FBXO15: variants seen among roughly 807,000 people sequenced by gnomAD.
The protein encoded by FBXO15 is F-box only protein 15.
A neutral mutation model predicts 49.5 loss-of-function variants in FBXO15; 30 were observed. The ratio of observed to expected loss-of-function variants is 0.61; its 90% CI spans 0.45 to 0.82. The LOEUF (loss-of-function observed/expected upper bound fraction) is 0.82, where lower values mean the gene tolerates loss of function less well. Among genes scored for constraint, FBXO15 ranks in the 40% least tolerant of loss-of-function variants. The probability of loss-of-function intolerance (pLI) is 0.00; values close to 1 mark genes in which losing one functional copy is unlikely to be tolerated. For synonymous variants in FBXO15, 250 were observed against 232.7 expected (o/e 1.07, Z -0.68); for missense variants, 591 against 631.5 (o/e 0.94, Z 0.69).
At chr18:74,093,527 G>C (rs967226927) in intron 8 of FBXO15, among the ~76,000 whole-genome samples, 1 of 152,188 alleles carries the variant, frequency 6.6e-6, no homozygotes, top group Non-Finnish European at 1.5e-5. Flanking sequence ...AGGTGAGTCT[G>C]GCCTCATTTC....
chr18:74,131,241 C>T (rs1011780775), intron 3 of FBXO15, among the ~76,000 whole-genome samples: 2 of 152,204 alleles, frequency 1.3e-5, no homozygotes, highest in African/African-American at 2.4e-5. Flanking sequence ...TGTCAAGCAT[C>T]GTTTAACCAC....
At position 74,123,493 on chromosome 18, in the gene FBXO15, G is replaced by A; in HGVS notation, c.1013C>T (p.Pro338Leu). The change falls in exon 8 of 10, where the codon CCA (proline) becomes CTA (leucine). Residue 338 changes from proline to leucine, a missense_variant. Pro to Leu is a moderately conservative substitution (Grantham distance 98). Coordinates refer to ENST00000419743, the MANE Select transcript of FBXO15 (RefSeq NM_001142958.2). ...GSATIPYELP[P>L]HSPFLDDSPE... is the part of the protein sequence containing the mutation. ...GCTATCATCCAAAAAGGGGCTATGTGGAGGCAGTTCATAGGGGCTGAAAAG... is the reference window on the plus strand; with the variant it reads ...GCTATCATCCAAAAAGGGGCTATGTAGAGGCAGTTCATAGGGGCTGAAAAG... 1 of 1,611,400 alleles carries A rather than the reference G, an allele frequency of 6.2e-7. No individual in the cohort carries two copies. The highest frequency in any genetic ancestry group is 8.5e-7 in the Non-Finnish European group (1 of 1,179,238).
chr18:74,140,457 G>C (rs1167775525), intron 1 of FBXO15, 145 bp from the exon 2 acceptor site: 2 of 725,396 alleles, frequency 2.8e-6, no homozygotes, highest in Non-Finnish European at 4.2e-6. Context: ...AAAAGGAAGG[G>C]AAGAAGAAAA....
intron 8 of FBXO15, among the ~76,000 whole-genome samples, chr18:74,083,629 T>C (rs1046774711): frequency 5.3e-5 from 8 of 152,214 alleles, no homozygotes; most frequent in African/African-American, 1.7e-4. Context: ...CCTGAGCTAA[T>C]AAACCTCAAA....
At chr18:74,138,610 C>T (rs1393763906) in intron 2 of FBXO15, among the ~76,000 whole-genome samples, 1 of 152,106 alleles carries the variant, frequency 6.6e-6, no homozygotes, top group Non-Finnish European at 1.5e-5. Flanking sequence ...GCTGACCCCA[C>T]CAGGCCTCAT....
intron 9 of FBXO15, 88 bp downstream of exon 9, chr18:74,081,839 T>C (rs1183692550): frequency 7.6e-6 from 7 of 921,324 alleles, no homozygotes; most frequent in Non-Finnish European, 1.1e-5. Context: ...ATCATACATA[T>C]ATGACAATAT....
intron 1 of FBXO15, chr18:74,147,439 C>A: frequency 8.6e-7 from 1 of 1,159,722 alleles, no homozygotes; most frequent in Non-Finnish European, 1.1e-6. Flanking sequence ...ACAGGCGCCG[C>A]AAGAAAAAAT....
chr18:74,105,614 T>A (rs1033947985), intron 8 of FBXO15, among the ~76,000 whole-genome samples: 2 of 151,684 alleles, frequency 1.3e-5, no homozygotes, highest in African/African-American at 4.8e-5. Context: ...TTATGGTTTT[T>A]TTTTTGTATT....
intron 8 of FBXO15, among the ~76,000 whole-genome samples, chr18:74,112,526 T>G (rs1914072672): frequency 6.6e-6 from 1 of 152,168 alleles, no homozygotes; most frequent in Non-Finnish European, 1.5e-5. Flanking sequence ...TAATAAAGAA[T>G]AGCTACATCA....
intron 9 of FBXO15, among the ~76,000 whole-genome samples, chr18:74,079,725 A>ATTACCTCCACACCAGTAAGTGTTGG (rs1912407987): frequency 6.6e-6 from 1 of 152,208 alleles, no homozygotes; most frequent in East Asian, 1.9e-4. Flanking sequence ...ACTCAAACTA[A>ATTACCTCCACACCAGTAAGTGTTGG]AGATACTTTC....
chr18:74,125,842 G>T, intron 6 of FBXO15, 133 bp downstream of exon 6: 1 of 1,235,200 alleles, frequency 8.1e-7, no homozygotes, highest in Non-Finnish European at 1.1e-6. Context: ...AAATGAAGTT[G>T]GTGAGATGGT....
chr18:74,141,479 T>C (rs8096390), intron 1 of FBXO15, among the ~76,000 whole-genome samples: 40,492 of 152,132 alleles, frequency 0.27, 7,976 homozygotes, highest in African/African-American at 0.55. Context: ...ATCATTGCTT[T>C]GAATGTGTAC....
At chr18:74,111,011 A>G (rs1914004462) in intron 8 of FBXO15, among the ~76,000 whole-genome samples, 1 of 152,218 alleles carries the variant, frequency 6.6e-6, no homozygotes, top group African/African-American at 2.4e-5. Flanking sequence ...CAGCAGGCAG[A>G]AAATCAGTAA....
chr18:74,109,270 C>T lies in FBXO15; in HGVS notation c.1138+14098G>A, dbSNP rs146425535. 2.9e-3 allele frequency among the ~76,000 whole-genome samples: 438 copies of T among 152,196 alleles called. 4 individuals carry two copies. Among genetic ancestry groups the T allele is most frequent in the South Asian group, 8.1e-3 (39 of 4,820 alleles). ...TCATCAGATAAATGCAAATCAAAACCATAATAAGACACCATCTCACGCCAG... is the reference window on the plus strand; with the variant it reads ...TCATCAGATAAATGCAAATCAAAACTATAATAAGACACCATCTCACGCCAG... On this transcript the variant is annotated intron_variant, in intron 8 of 9. Coordinates refer to ENST00000419743, the MANE Select transcript of FBXO15 (RefSeq NM_001142958.2).
At chr18:74,100,927 C>G (rs1160996011) in intron 8 of FBXO15, among the ~76,000 whole-genome samples, 1 of 151,912 alleles carries the variant, frequency 6.6e-6, no homozygotes, top group African/African-American at 2.4e-5. Flanking sequence ...AAAATTACCA[C>G]CAACAAAAAA....
chr18:74,102,402 C>T (rs960333498), intron 8 of FBXO15, among the ~76,000 whole-genome samples: 4 of 151,918 alleles, frequency 2.6e-5, no homozygotes, highest in Admixed American at 6.6e-5. Flanking sequence ...AACCACAATG[C>T]GATAATACCT....
At chr18:74,102,994 G>C (rs1323648650) in intron 8 of FBXO15, among the ~76,000 whole-genome samples, 2 of 151,974 alleles carry the variant, frequency 1.3e-5, no homozygotes, top group East Asian at 3.9e-4. Flanking sequence ...ACTACAAATT[G>C]GGTTCATTGT....
At chr18:74,123,347 T>A in intron 8 of FBXO15, 21 bp downstream of exon 8, 1 of 1,593,970 alleles carries the variant, frequency 6.3e-7, no homozygotes, top group Non-Finnish European at 8.5e-7. Context: ...CATAATGAAA[T>A]AAAAACTCAA....
intron 9 of FBXO15, among the ~76,000 whole-genome samples, chr18:74,080,963 CT>C (rs1405912924): frequency 6.6e-6 from 1 of 152,118 alleles, no homozygotes. Flanking sequence ...TTAGTACCTA[CT>C]TTTATTATAG....
Sources: gnomAD v4.1 joint callset for allele counts (sites outside exome capture counted in the v4.1 genomes callset) on GRCh38, gnomAD v4.1.1 for gene constraint, MANE v1.5 for transcripts, NCBI Gene and HGNC (gene_info 2026-07-23, HGNC 2026-07-21) for gene names.